The following PPP2R1A variants were observed in gnomAD, a reference collection of about 807,000 sequenced individuals.
PPP2R1A encodes serine/threonine-protein phosphatase 2A 65 kDa regulatory subunit A alpha isoform.
A neutral mutation model predicts 67.1 loss-of-function variants in PPP2R1A; 15 were observed. That is an observed-to-expected ratio of 0.22 (90% CI 0.15 to 0.34). PPP2R1A has a LOEUF of 0.34. Among genes scored for constraint, PPP2R1A ranks in the 10% least tolerant of loss-of-function variants. The pLI is 1.00. For missense variants in PPP2R1A, 369 were observed against 775.0 expected (o/e 0.48, Z 6.22); for synonymous variants, 337 against 325.0 (o/e 1.04, Z -0.40).
At chr19:52,201,839 TA>T in intron 1 of PPP2R1A, 104 bp from the exon 2 acceptor site, 1 of 1,019,602 alleles carries the variant, frequency 9.8e-7, no homozygotes, top group Non-Finnish European at 1.5e-6. Flanking sequence ...TCTTCACATG[TA>T]ACCAAGCAAG....
rs907180124 is a variant in PPP2R1A, at chr19:52,228,770, G to C, written c.*2789G>C. On this transcript the variant is annotated 3_prime_UTR_variant, in exon 15 of 15. Coordinates refer to ENST00000322088, the MANE Select transcript of PPP2R1A (RefSeq NM_014225.6). ...CCACACACAAATTTTGTCTCCTTTT[G>C]TGATGACTGCACTTCTTTGGCTGTT... 2 of 152,282 alleles carry C rather than the reference G, an allele frequency of 1.3e-5. No individual in the cohort carries two copies. Among genetic ancestry groups the C allele is most frequent in the Admixed American group, 1.3e-4 (2 of 15,284 alleles). 9.4% of individuals were successfully genotyped at this position (152,282 alleles called of 1,614,324 possible).
chr19:52,193,508 A>G (rs1486518491), intron 1 of PPP2R1A, among the ~76,000 whole-genome samples: 1 of 152,216 alleles, frequency 6.6e-6, no homozygotes, highest in Admixed American at 6.5e-5. Flanking sequence ...CTGTAGTGGG[A>G]TGTCAGTGGC....
intron 1 of PPP2R1A, chr19:52,190,954 G>A (rs1248234254): frequency 1.3e-5 from 2 of 152,242 alleles, no homozygotes; most frequent in East Asian, 1.9e-4. Context: ...CTGCATACCG[G>A]GTTCAAACCA....
chr19:52,210,520 T>C (rs1479164565), intron 3 of PPP2R1A, among the ~76,000 whole-genome samples: 1 of 144,568 alleles, frequency 6.9e-6, no homozygotes, highest in East Asian at 2.1e-4. Context: ...TGAGACGGAG[T>C]CTCGCTGTGT....
At chr19:52,190,569 C>T (rs969167002) in intron 1 of PPP2R1A, among the ~76,000 whole-genome samples, 1 of 152,186 alleles carries the variant, frequency 6.6e-6, no homozygotes, top group African/African-American at 2.4e-5. Flanking sequence ...GGAGGGCCGC[C>T]GGGTGGGTCG....
chr19:52,195,401 G>C (rs2089489088), intron 1 of PPP2R1A, among the ~76,000 whole-genome samples: 2 of 152,134 alleles, frequency 1.3e-5, no homozygotes, highest in Non-Finnish European at 1.5e-5. Flanking sequence ...TGTGTGTTGG[G>C]GTGGGGAGGG....
intron 13 of PPP2R1A, among the ~76,000 whole-genome samples, chr19:52,225,011 C>CTTTTTTT (rs61015844): frequency 3.0e-5 from 3 of 101,080 alleles, no homozygotes; most frequent in African/African-American, 8.6e-5. Flanking sequence ...TTGAGTTTAC[C>CTTTTTTT]TTTTTTTTTT....
rs137872459 is a variant in PPP2R1A at position 52,226,226 on chromosome 19, C to T, written c.*245C>T. 39 of 586,042 alleles carry T rather than the reference C, an allele frequency of 6.7e-5. No individual in the cohort carries two copies. The highest frequency in any genetic ancestry group is 4.5e-4 in the Middle Eastern group (1 of 2,220). 36.3% of individuals were successfully genotyped at this position (586,042 alleles called of 1,614,324 possible). A position where few individuals can be genotyped will look rare whatever the true frequency, so the allele number is the denominator to read the frequency against. On this transcript the variant is annotated 3_prime_UTR_variant, in exon 15 of 15. Coordinates refer to ENST00000322088, the MANE Select transcript of PPP2R1A (RefSeq NM_014225.6). The stretch of plus-strand genomic sequence containing the variant: ...TGACCTTGGGAGGAAGGGGCTACTC[C>T]GCCCACGTCAGGGAGAGATGTGAGC...
rs768431073 is a variant in PPP2R1A, at chr19:52,220,986, C to T, written c.1371C>T (p.Ala457=). The change falls in exon 12 of 15, where the codon GCC becomes GCT. Residue 457 remains alanine, a synonymous_variant. Coordinates refer to ENST00000322088, the MANE Select transcript of PPP2R1A (RefSeq NM_014225.6). ...ACCCTCACCCTTCTGCAGTATATGCCATCCGCGAGGCAGCCACCAGCAACC... is the reference window on the plus strand; with the variant it reads ...ACCCTCACCCTTCTGCAGTATATGCTATCCGCGAGGCAGCCACCAGCAACC... ...CMAWLVDHVY[A]IREAATSNLK... The T allele has an allele frequency of 1.1e-5, 17 of 1,614,082 alleles. No homozygotes were observed. In the East Asian group the frequency reaches 3.3e-4, roughly 32 times the overall value.
At chr19:52,194,895 G>A (rs557058090) in intron 1 of PPP2R1A, among the ~76,000 whole-genome samples, 1 of 152,290 alleles carries the variant, frequency 6.6e-6, no homozygotes, top group East Asian at 1.9e-4. Context: ...AACCGTGTGG[G>A]ACCAAGTCAG....
At position 52,213,684 on chromosome 19, in the gene PPP2R1A, T is replaced by C. The variant is rs967497088; in HGVS notation, c.807+574T>C. Among the ~76,000 whole-genome samples, 2 of 151,850 alleles carry C rather than the reference T, an allele frequency of 1.3e-5. No individual in the cohort carries two copies. The highest frequency in any genetic ancestry group is 4.8e-5 in the African/African-American group (2 of 41,332). On this transcript the variant is annotated intron_variant, in intron 6 of 14. Transcript: ENST00000322088. The surrounding 1 kb of genome is among the most constrained non-coding windows in gnomAD (Gnocchi z 4.2). ...TTTTATTAGAGACGGGGTTTCACCA[T>C]GTTGTTAGCCAGGCTAGTCTCGAAC...
chr19:52,216,498 G>C lies in PPP2R1A; in HGVS notation c.994-31G>C, dbSNP rs772287303. The C allele has an allele frequency of 1.9e-6, 3 of 1,613,832 alleles. No homozygotes were observed. The highest frequency in any genetic ancestry group is 2.5e-6 in the Non-Finnish European group (3 of 1,179,946). On this transcript the variant is annotated intron_variant, in intron 8 of 14. Coordinates refer to ENST00000322088, the MANE Select transcript of PPP2R1A (RefSeq NM_014225.6). This position sits in a 1 kb window ranked among gnomAD's most constrained non-coding sequence, Gnocchi z 4.3. ...CACTTGCTGCTGCAGGGGTTGCACT[G>C]ACCCCTGTGCCTGCCTCTTCTCTCT...
intron 1 of PPP2R1A, among the ~76,000 whole-genome samples, chr19:52,198,999 C>G (rs1022560321): frequency 1.3e-5 from 2 of 152,206 alleles, no homozygotes; most frequent in African/African-American, 4.8e-5. Flanking sequence ...CCTGTACCAT[C>G]TCATTGTCCT....
At chr19:52,205,279 G>A (rs1241485449) in intron 2 of PPP2R1A, among the ~76,000 whole-genome samples, 6 of 152,166 alleles carry the variant, frequency 3.9e-5, no homozygotes, top group African/African-American at 1.4e-4. Flanking sequence ...CTTTGGATGT[G>A]GGCATTAGGG....
chr19:52,210,579 G>C (rs1371719822), intron 3 of PPP2R1A, among the ~76,000 whole-genome samples: 1 of 148,624 alleles, frequency 6.7e-6, no homozygotes, highest in Non-Finnish European at 1.5e-5. Flanking sequence ...TGCAGCCTCT[G>C]CCTCCCGGGT....
intron 13 of PPP2R1A, 71 bp from the exon 14 acceptor site, chr19:52,225,646 C>G: frequency 7.1e-7 from 1 of 1,410,798 alleles, no homozygotes; most frequent in Non-Finnish European, 1.0e-6. Flanking sequence ...TGCCCAAGAG[C>G]CCTGTGCCCA....
chr19:52,214,729 CTT>C (rs761403678), intron 6 of PPP2R1A, among the ~76,000 whole-genome samples: 33 of 142,436 alleles, frequency 2.3e-4, no homozygotes, highest in Middle Eastern at 3.7e-3. Context: ...GCGTGCCTCC[CTT>C]TTTTTTTTTT....
At position 52,219,828 on chromosome 19, in the gene PPP2R1A, C is replaced by T; in HGVS notation, c.1266C>T (p.Ala422=). 1.2e-6 allele frequency: 2 copies of T among 1,612,616 alleles called. No homozygotes were observed. Among genetic ancestry groups the T allele is most frequent in the Non-Finnish European group, 1.7e-6 (2 of 1,179,922 alleles). The part of the protein sequence containing the change: ...AEDAKWRVRL[A]IIEYMPLLAG... ...ACGCCAAGTGGCGGGTGCGGCTGGC[C>T]ATCATTGAGTACATGCCCCTCCTGG... is the stretch of plus-strand genomic sequence containing the variant. The change falls in exon 10 of 15, where the codon GCC becomes GCT. Residue 422 remains alanine (A), a synonymous_variant. Coordinates refer to ENST00000322088, the MANE Select transcript of PPP2R1A (RefSeq NM_014225.6). The surrounding 1 kb of genome is among the most constrained non-coding windows in gnomAD (Gnocchi z 4.0).
chr19:52,196,411 CTGTT>C (rs2089497354), intron 1 of PPP2R1A, among the ~76,000 whole-genome samples: 1 of 152,164 alleles, frequency 6.6e-6, no homozygotes, highest in Non-Finnish European at 1.5e-5. Context: ...TTTGACTGGC[CTGTT>C]TTGGTTATAA....
Sources: allele counts gnomAD v4.1 joint callset (sites outside exome capture counted in the v4.1 genomes callset), GRCh38; gene constraint gnomAD v4.1.1; non-coding constraint Gnocchi (gnomAD v3.1); transcripts MANE v1.5; gene names NCBI Gene and HGNC (gene_info 2026-07-23, HGNC 2026-07-21).